DNM3: variants seen among roughly 807,000 people sequenced by gnomAD.
The protein encoded by DNM3 is dynamin-3.
DNM3 carries 47 observed loss-of-function variants against 101.6 expected under a neutral mutation model. That is an observed-to-expected ratio of 0.46 (90% CI 0.37 to 0.59). The LOEUF (loss-of-function observed/expected upper bound fraction) is 0.59, where lower values mean the gene tolerates loss of function less well. Ranked by LOEUF, DNM3 falls within the 20% of genes least tolerant of loss-of-function variation. The pLI is 0.00. For synonymous variants in DNM3, 385 were observed against 387.9 expected (o/e 0.99, Z 0.09); for missense variants, 849 against 1,085.7 (o/e 0.78, Z 3.06).
At chr1:172,083,714 T>C (rs1467217090) in intron 12 of DNM3, among the ~76,000 whole-genome samples, 1 of 152,194 alleles carries the variant, frequency 6.6e-6, no homozygotes, top group Non-Finnish European at 1.5e-5. Flanking sequence ...TTTTTTTCTA[T>C]GATAAATGAG....
At chr1:172,151,091 T>G (rs1032486441) in intron 14 of DNM3, among the ~76,000 whole-genome samples, 5 of 151,598 alleles carry the variant, frequency 3.3e-5, no homozygotes, top group African/African-American at 4.9e-5. Context: ...TATATAAGTG[T>G]GTATGTATTT....
At chr1:172,372,864 T>G (rs979608133) in intron 17 of DNM3, among the ~76,000 whole-genome samples, 1 of 151,754 alleles carries the variant, frequency 6.6e-6, no homozygotes, top group African/African-American at 2.4e-5. Context: ...TTAAATTTTT[T>G]GTAGAGACCA....
intron 1 of DNM3, among the ~76,000 whole-genome samples, chr1:171,912,260 GT>G (rs2039369959): frequency 6.6e-6 from 1 of 152,106 alleles, no homozygotes; most frequent in South Asian, 2.1e-4. Flanking sequence ...CTCTTTTTAT[GT>G]TTAAAGCGCA....
chr1:172,412,195 GCTCAA>G lies in DNM3; in HGVS notation c.*4360_*4364del, dbSNP rs749990357. ...CTTCTGGTTGGAGGTTTCACATATG[GCTCAA>G]CTCAAGTCATTAATCTCTTTTTAAT... On this transcript the variant is annotated 3_prime_UTR_variant, in exon 21 of 21. Coordinates refer to ENST00000627582, the MANE Select transcript of DNM3 (RefSeq NM_015569.5). The G allele has an allele frequency of 4.8e-5, 47 of 985,460 alleles. No individual in the cohort carries two copies. The highest frequency in any genetic ancestry group is 5.2e-4 in the Middle Eastern group (1 of 1,936). The allele number at this position is 985,460 out of a possible 1,614,324, so 61.0% of individuals were successfully genotyped here. A position where few individuals can be genotyped will look rare whatever the true frequency, so the allele number is the denominator to read the frequency against.
In DNM3 at chr1:171,952,069, T is replaced by C. The variant is rs183156044; in HGVS notation, c.235+30248T>C. ...AGTCAGTGGAAAAATATTCTTGAAT[T>C]AAGATAAGGGAGGTTGTGGAGACCA... On this transcript the variant is annotated intron_variant, in intron 2 of 20. Coordinates refer to ENST00000627582, the MANE Select transcript of DNM3 (RefSeq NM_015569.5). Among the ~76,000 whole-genome samples, 69 of 152,236 alleles carry C rather than the reference T, an allele frequency of 4.5e-4. 1 individual carries two copies. The highest frequency in any genetic ancestry group is 1.4e-3 in the African/African-American group (58 of 41,538).
chr1:172,251,033 C>T (rs1034273815), intron 14 of DNM3, among the ~76,000 whole-genome samples: 6 of 152,058 alleles, frequency 3.9e-5, no homozygotes, highest in African/African-American at 7.2e-5. Context: ...TTTACATTCT[C>T]GTTTTAAGTT....
At chr1:172,208,984 T>C (rs2060418258) in intron 14 of DNM3, among the ~76,000 whole-genome samples, 2 of 152,010 alleles carry the variant, frequency 1.3e-5, no homozygotes, top group Admixed American at 6.6e-5. Flanking sequence ...AGAGAGAAGG[T>C]TGGGAAAGCT....
intron 13 of DNM3, among the ~76,000 whole-genome samples, chr1:172,129,939 C>T (rs1465393963): frequency 6.6e-6 from 1 of 152,024 alleles, no homozygotes; most frequent in Non-Finnish European, 1.5e-5. Context: ...ATAAAAGCAA[C>T]AGCACACTGA....
At chr1:171,846,840 A>G (rs1433138797) in intron 1 of DNM3, among the ~76,000 whole-genome samples, 3 of 152,214 alleles carry the variant, frequency 2.0e-5, no homozygotes, top group East Asian at 1.9e-4. Flanking sequence ...GTAGACGGAA[A>G]AAAGGGGCCA....
At chr1:171,896,069 G>A (rs955965200) in intron 1 of DNM3, among the ~76,000 whole-genome samples, 1 of 152,164 alleles carries the variant, frequency 6.6e-6, no homozygotes, top group African/African-American at 2.4e-5. Flanking sequence ...AAGTCAGGTA[G>A]CGTGATGCCT....
chr1:172,020,720 T>TGAAAA (rs1558433596), intron 4 of DNM3, among the ~76,000 whole-genome samples: 1 of 41,294 alleles, frequency 2.4e-5, no homozygotes, highest in Admixed American at 3.1e-4. Flanking sequence ...TGAGACTCCG[T>TGAAAA]CAAAAAAAAA....
At position 172,240,398 on chromosome 1, in the gene DNM3, A is replaced by G. The variant is rs755498386; in HGVS notation, c.1660-13175A>G. ...CAGCTTGGTGACAAATGATGGGGGGAAATTTAAACCATTCATCTACTGAGT... is the reference window on the plus strand; with the variant it reads ...CAGCTTGGTGACAAATGATGGGGGGGAATTTAAACCATTCATCTACTGAGT... On this transcript the variant is annotated intron_variant, in intron 14 of 20. Transcript: ENST00000627582. Among the ~76,000 whole-genome samples the G allele has an allele frequency of 7.9e-5, 12 of 152,046 alleles. No individual in the cohort carries two copies. In the Middle Eastern group the frequency reaches 0.01, roughly 129 times the overall value.
chr1:172,332,349 ACT>A (rs1336539412), intron 17 of DNM3, among the ~76,000 whole-genome samples: 13 of 152,124 alleles, frequency 8.5e-5, no homozygotes, highest in Admixed American at 7.9e-4. Context: ...TCACTCTGTC[ACT>A]GAGGCTGGAG....
chr1:172,188,417 A>T (rs1484149217), intron 14 of DNM3, among the ~76,000 whole-genome samples: 1 of 152,058 alleles, frequency 6.6e-6, no homozygotes, highest in Non-Finnish European at 1.5e-5. Flanking sequence ...CAGGAATTGA[A>T]CCTGGGCTGT....
At chr1:172,008,893 ATAT>A (rs1325001961) in intron 4 of DNM3, among the ~76,000 whole-genome samples, 4 of 137,796 alleles carry the variant, frequency 2.9e-5, no homozygotes, top group East Asian at 2.0e-4. Flanking sequence ...TTATATTAAA[ATAT>A]TAATAAATAT....
chr1:172,280,273 G>C (rs921682623), intron 15 of DNM3, among the ~76,000 whole-genome samples: 1 of 151,908 alleles, frequency 6.6e-6, no homozygotes, highest in African/African-American at 2.4e-5. Flanking sequence ...CTTTTATCCT[G>C]CTCTATTTTG....
intron 14 of DNM3, among the ~76,000 whole-genome samples, chr1:172,252,578 G>T (rs9633300): frequency 0.29 from 44,758 of 151,748 alleles, 6,810 homozygotes; most frequent in Middle Eastern, 0.43. Context: ...TCTCTTTCAC[G>T]GGTAACACCA....
At chr1:172,066,579 AG>A (rs1189288461) in intron 10 of DNM3, among the ~76,000 whole-genome samples, 1 of 152,152 alleles carries the variant, frequency 6.6e-6, no homozygotes, top group Admixed American at 6.5e-5. Context: ...ACCTCTTAAA[AG>A]CCCCACTTGT....
At chr1:172,320,438 TA>T (rs1310949806) in intron 16 of DNM3, among the ~76,000 whole-genome samples, 2 of 150,058 alleles carry the variant, frequency 1.3e-5, no homozygotes, top group Non-Finnish European at 3.0e-5. Flanking sequence ...CACCATGGAA[TA>T]CTTTGCAGCC....
Sources: allele counts gnomAD v4.1 joint callset (sites outside exome capture counted in the v4.1 genomes callset), GRCh38; gene constraint gnomAD v4.1.1; transcripts MANE v1.5; gene names NCBI Gene and HGNC (gene_info 2026-07-23, HGNC 2026-07-21).